Variants in ABLIM1 observed in about 807,000 individuals in gnomAD.
ABLIM1 encodes actin-binding LIM protein 1.
Under a neutral mutation model 107.0 loss-of-function variants are expected in ABLIM1, and 40 were observed. That is an observed-to-expected ratio of 0.37 (90% CI 0.29 to 0.49). The LOEUF (loss-of-function observed/expected upper bound fraction) is 0.49, where lower values mean the gene tolerates loss of function less well. Among genes scored for constraint, ABLIM1 ranks in the 20% least tolerant of loss-of-function variants. ABLIM1 has a pLI of 0.97. For missense variants in ABLIM1, 857 were observed against 1,008.5 expected, an observed-to-expected ratio of 0.85 and a Z score of 2.04; for synonymous variants, 357 against 357.3, an observed-to-expected ratio of 1.00 and a Z score of 0.01.
At chr10:114,565,826 G>T (rs1489574633) in intron 4 of ABLIM1, among the ~76,000 whole-genome samples, 2 of 125,122 alleles carry the variant, frequency 1.6e-5, no homozygotes, top group African/African-American at 3.0e-5. Flanking sequence ...ACAGAGTCTC[G>T]ATCTGTCGCC....
chr10:114,529,041 G>A (rs1334369791), intron 6 of ABLIM1, among the ~76,000 whole-genome samples: 2 of 152,228 alleles, frequency 1.3e-5, no homozygotes, highest in African/African-American at 2.4e-5. Flanking sequence ...AAGGTAAAAT[G>A]GGACACTTAC....
chr10:114,797,146 G>A, the ABLIM1 span, among the ~76,000 whole-genome samples: 15 of 152,232 alleles, frequency 9.9e-5, no homozygotes, highest in Admixed American at 5.9e-4. Flanking sequence ...GTCCCCAGAC[G>A]TTGTTGGAAC....
intron 7 of ABLIM1, among the ~76,000 whole-genome samples, chr10:114,490,196 A>T (rs1043421110): frequency 6.6e-6 from 1 of 152,234 alleles, no homozygotes; most frequent in Admixed American, 6.5e-5. Context: ...TCCTTGGGAA[A>T]ACGTGTCATA....
At chr10:114,800,240 GT>G in the ABLIM1 span, among the ~76,000 whole-genome samples, 411 of 152,240 alleles carry the variant, frequency 2.7e-3, no homozygotes, top group African/African-American at 9.5e-3. Context: ...CCTAGGAGAT[GT>G]TTTGGAAATT....
intron 4 of ABLIM1, among the ~76,000 whole-genome samples, chr10:114,565,063 T>C (rs1465804696): frequency 6.6e-6 from 1 of 152,220 alleles, no homozygotes; most frequent in East Asian, 1.9e-4. Context: ...CACATATCCT[T>C]TAAGTGCTAG....
At chr10:114,593,579 C>G (rs539695472) in intron 2 of ABLIM1, among the ~76,000 whole-genome samples, 2 of 152,274 alleles carry the variant, frequency 1.3e-5, no homozygotes, top group East Asian at 3.9e-4. Context: ...AGAAAACCTG[C>G]CCAATACTTC....
intron 4 of ABLIM1, among the ~76,000 whole-genome samples, chr10:114,558,213 G>GC (rs988617310): frequency 6.6e-5 from 10 of 151,696 alleles, no homozygotes; most frequent in East Asian, 1.9e-4. Context: ...GTGTTCCCCC[G>GC]CCCCCCCATA....
chr10:114,486,594 G>A (rs540975201), intron 8 of ABLIM1, among the ~76,000 whole-genome samples: 3 of 152,280 alleles, frequency 2.0e-5, no homozygotes, highest in African/African-American at 7.2e-5. Flanking sequence ...TGACTATCCG[G>A]CTGATGGACT....
chr10:114,507,834 C>T (rs1298253555), intron 6 of ABLIM1, among the ~76,000 whole-genome samples: 1 of 152,224 alleles, frequency 6.6e-6, no homozygotes, highest in Admixed American at 6.5e-5. Context: ...TTAGGCTGTG[C>T]AACCTAGGCT....
intron 1 of ABLIM1, among the ~76,000 whole-genome samples, chr10:114,705,249 C>G (rs1193951045): frequency 1.3e-5 from 2 of 152,162 alleles, no homozygotes; most frequent in African/African-American, 4.8e-5. Flanking sequence ...TCTGACTTGA[C>G]TAGAACCAAC....
intron 2 of ABLIM1, among the ~76,000 whole-genome samples, chr10:114,579,313 A>ATTTTTT (rs1457400700): frequency 2.0e-5 from 3 of 152,192 alleles, no homozygotes; most frequent in Non-Finnish European, 4.4e-5. Context: ...AAAAGAATGA[A>ATTTTTT]TTTAGCCCTC....
At chr10:114,553,552 C>T (rs932803118) in intron 4 of ABLIM1, among the ~76,000 whole-genome samples, 11 of 152,178 alleles carry the variant, frequency 7.2e-5, no homozygotes, top group African/African-American at 1.9e-4. Flanking sequence ...GAGTCAGCAG[C>T]GAGCTCTTCA....
intron 4 of ABLIM1, among the ~76,000 whole-genome samples, chr10:114,567,598 A>G (rs1279451214): frequency 1.3e-5 from 2 of 152,232 alleles, no homozygotes; most frequent in African/African-American, 4.8e-5. Context: ...CAGACATGGC[A>G]GCTGCTGAGC....
chr10:114,625,133 G>A (rs2077706951), intron 1 of ABLIM1, among the ~76,000 whole-genome samples: 1 of 152,032 alleles, frequency 6.6e-6, no homozygotes, highest in African/African-American at 2.4e-5. Flanking sequence ...TAAAAGACTG[G>A]GGCTTTTGAA....
chr10:114,689,094 C>T (rs1377186014), upstream of ABLIM1, among the ~76,000 whole-genome samples: 1 of 152,076 alleles, frequency 6.6e-6, no homozygotes, highest in Non-Finnish European at 1.5e-5. Flanking sequence ...GAGAGGGAGG[C>T]CATCGTAGCA....
chr10:114,609,547 G>A (rs2140189040), intron 1 of ABLIM1, among the ~76,000 whole-genome samples: 2 of 152,286 alleles, frequency 1.3e-5, no homozygotes, highest in South Asian at 4.2e-4. Context: ...CTACAAAACT[G>A]CAAGCTCAAT....
In ABLIM1 at chr10:114,632,169, G is replaced by C. The variant is rs1167654784; in HGVS notation, c.244+25788C>G. On this transcript the variant is annotated intron_variant, in intron 1 of 22. Transcript: ENST00000533213. ...GCCGAGCTGCAGCCGCGCCCAGCTC[G>C]GGGACTCTGCCCTGCGGCTGAAACC... 10 of 985,234 alleles carry C rather than the reference G, an allele frequency of 1.0e-5. No individual in the cohort carries two copies. In the South Asian group the frequency reaches 1.4e-4, roughly 14 times the overall value. The allele number at this position is 985,234 out of a possible 1,614,324, so 61.0% of individuals were successfully genotyped here. A position where few individuals can be genotyped will look rare whatever the true frequency, so the allele number is the denominator to read the frequency against.
chr10:114,651,300 G>T (rs1295301480), intron 1 of ABLIM1, among the ~76,000 whole-genome samples: 3 of 152,162 alleles, frequency 2.0e-5, no homozygotes, highest in Non-Finnish European at 4.4e-5. Flanking sequence ...GGACCTCAGT[G>T]TATGAAAAGG....
chr10:114,673,665 T>C (rs563869638), intron 1 of ABLIM1, among the ~76,000 whole-genome samples: 2 of 152,204 alleles, frequency 1.3e-5, no homozygotes, highest in Non-Finnish European at 2.9e-5. Flanking sequence ...TAAATTAGAT[T>C]CTCTTATTAT....
Sources: gnomAD v4.1 joint callset for allele counts (sites outside exome capture counted in the v4.1 genomes callset) on GRCh38, gnomAD v4.1.1 for gene constraint, MANE v1.5 for transcripts, NCBI Gene and HGNC (gene_info 2026-07-23, HGNC 2026-07-21) for gene names.